The following ZNF609 variants were observed in gnomAD, a reference collection of about 807,000 sequenced individuals.
ZNF609 encodes zinc finger protein 609.
A neutral mutation model predicts 109.5 loss-of-function variants in ZNF609; 11 were observed. The observed-to-expected ratio is 0.10, with a 90% CI of 0.06 to 0.17. ZNF609 has a LOEUF of 0.17. Among genes scored for constraint, ZNF609 ranks in the 10% least tolerant of loss-of-function variants. The probability of loss-of-function intolerance (pLI) is 1.00; values close to 1 mark genes in which losing one functional copy is unlikely to be tolerated. For synonymous variants in ZNF609, 646 were observed against 662.0 expected (o/e 0.98, Z 0.37); for missense variants, 1,559 against 1,772.4 (o/e 0.88, Z 2.16).
At chr15:64,589,448 C>G (rs936536237) in intron 2 of ZNF609, among the ~76,000 whole-genome samples, 1 of 152,132 alleles carries the variant, frequency 6.6e-6, no homozygotes, top group African/African-American at 2.4e-5. Flanking sequence ...TTATATATTT[C>G]CTTTAATTAT....
At chr15:64,505,373 T>C (rs567915621) in intron 2 of ZNF609, among the ~76,000 whole-genome samples, 23 of 152,344 alleles carry the variant, frequency 1.5e-4, no homozygotes, top group African/African-American at 4.8e-4. Flanking sequence ...GACACATCAC[T>C]AATAGGCAGA....
chr15:64,538,356 A>T (rs1228652961), intron 2 of ZNF609, among the ~76,000 whole-genome samples: 2 of 152,182 alleles, frequency 1.3e-5, no homozygotes, highest in East Asian at 3.8e-4. Context: ...AGAAATGTAA[A>T]ATAATTCTTC....
At chr15:64,597,468 G>T (rs1354817088) in intron 2 of ZNF609, among the ~76,000 whole-genome samples, 1 of 152,148 alleles carries the variant, frequency 6.6e-6, no homozygotes, top group Non-Finnish European at 1.5e-5. Context: ...CATCCTTGGG[G>T]TGGGAACCAT....
At chr15:64,656,692 T>C (rs1405659521) in intron 3 of ZNF609, among the ~76,000 whole-genome samples, 1 of 151,980 alleles carries the variant, frequency 6.6e-6, no homozygotes, top group Non-Finnish European at 1.5e-5. Context: ...CTTCCTTCTT[T>C]TCTTCCTCCC....
At chr15:64,677,797 C>A (rs1392350852) in intron 5 of ZNF609, among the ~76,000 whole-genome samples, 1 of 152,176 alleles carries the variant, frequency 6.6e-6, no homozygotes, top group Admixed American at 6.5e-5. Context: ...TTGGAAGGGG[C>A]AGCCTCTCCT....
At chr15:64,459,773 T>C (rs1185216169), upstream of ZNF609, among the ~76,000 whole-genome samples, 1 of 152,156 alleles carries the variant, frequency 6.6e-6, no homozygotes, top group Non-Finnish European at 1.5e-5. Context: ...TGAATAGATG[T>C]TTCACAAGTG....
chr15:64,634,418 C>T (rs919559417), intron 3 of ZNF609, among the ~76,000 whole-genome samples: 23 of 152,218 alleles, frequency 1.5e-4, no homozygotes, highest in South Asian at 1.5e-3. Context: ...GGGCTTTTAT[C>T]CTTTTCACTA....
intron 2 of ZNF609, among the ~76,000 whole-genome samples, chr15:64,571,937 T>C (rs1320688375): frequency 5.9e-5 from 9 of 152,128 alleles, no homozygotes; most frequent in Non-Finnish European, 1.3e-4. Flanking sequence ...GTATTACAGG[T>C]GTGAGCCCGG....
At chr15:64,609,698 G>A (rs1895684939) in intron 2 of ZNF609, among the ~76,000 whole-genome samples, 1 of 149,992 alleles carries the variant, frequency 6.7e-6, no homozygotes, top group Admixed American at 6.6e-5. Flanking sequence ...TTTTTTATGG[G>A]ACTAGGTATA....
intron 1 of ZNF609, among the ~76,000 whole-genome samples, chr15:64,479,304 T>C (rs1180398382): frequency 7.0e-6 from 1 of 142,626 alleles, no homozygotes; most frequent in African/African-American, 2.6e-5. Context: ...TTTTTTTTTT[T>C]TTTTTGAGAC....
rs199558342 is a variant in ZNF609 at position 64,482,376 on chromosome 15, G to GT, written c.-127-16907dup. On this transcript the variant is annotated intron_variant, in intron 1 of 9. Transcript: ENST00000326648. ...AACATTTATTTAATATTTCCTATACGTTTTTTTTTTCTGGCTGCCTAGGCT... is the reference window on the plus strand; with the variant it reads ...AACATTTATTTAATATTTCCTATACGTTTTTTTTTTTCTGGCTGCCTAGGCT... 7.6e-3 allele frequency among the ~76,000 whole-genome samples: 1,122 copies of GT among 148,282 alleles called. 12 individuals carry two copies. The highest frequency in any genetic ancestry group is 0.02 in the African/African-American group (805 of 40,502).
intron 1 of ZNF609, among the ~76,000 whole-genome samples, chr15:64,493,672 C>T (rs183214706): frequency 3.9e-5 from 6 of 152,276 alleles, no homozygotes; most frequent in African/African-American, 1.2e-4. Flanking sequence ...GTGGAGTACA[C>T]TTAGGCAGAA....
chr15:64,670,500 T>C (rs1310868417), intron 4 of ZNF609, 67 bp downstream of exon 4: 3 of 1,335,544 alleles, frequency 2.2e-6, no homozygotes, highest in East Asian at 2.3e-5. Context: ...CCTTATACTT[T>C]TATCCTGCTA....
At chr15:64,582,199 G>A (rs1467338103) in intron 2 of ZNF609, among the ~76,000 whole-genome samples, 3 of 151,974 alleles carry the variant, frequency 2.0e-5, no homozygotes, top group Admixed American at 1.3e-4. Context: ...TTTATGTATC[G>A]TCTATAGCCT....
chr15:64,478,155 GGTGTGTGTGT>G lies in ZNF609; in HGVS notation c.-128+17350_-128+17359del, dbSNP rs149241970. Among the ~76,000 whole-genome samples, 767 of 138,304 alleles carry G rather than the reference GGTGTGTGTGT, an allele frequency of 5.5e-3. 1 individual carries two copies. Among genetic ancestry groups the G allele is most frequent in the African/African-American group, 0.018 (690 of 37,846 alleles). 90.7% of individuals were successfully genotyped at this position (138,304 alleles called of 152,430 possible). A position where few individuals can be genotyped will look rare whatever the true frequency, so the allele number is the denominator to read the frequency against. ...TTTTCATATTTAATTTTAGAATAAA[GGTGTGTGTGT>G]GTGTGTGTGTGTGTGTGTGTGTGTG... On this transcript the variant is annotated intron_variant, in intron 1 of 9. Transcript: ENST00000326648.
intron 3 of ZNF609, among the ~76,000 whole-genome samples, chr15:64,632,265 G>A (rs1896094567): frequency 6.6e-6 from 1 of 151,756 alleles, no homozygotes; most frequent in Non-Finnish European, 1.5e-5. Flanking sequence ...ACATTGCACA[G>A]GCTGATCTTG....
At chr15:64,594,648 A>T (rs554476736) in intron 2 of ZNF609, among the ~76,000 whole-genome samples, 46 of 152,074 alleles carry the variant, frequency 3.0e-4, no homozygotes, top group African/African-American at 1.1e-3. Flanking sequence ...ACAAAATGTA[A>T]AGATTTTGAG....
intron 2 of ZNF609, among the ~76,000 whole-genome samples, chr15:64,551,453 C>T (rs1043910144): frequency 4.0e-5 from 6 of 151,884 alleles, no homozygotes; most frequent in East Asian, 3.9e-4. Flanking sequence ...GTCAGGAGTT[C>T]GAGACCAGCC....
chr15:64,602,716 CTTTTTTTTTTTT>C (rs10600561), intron 2 of ZNF609, among the ~76,000 whole-genome samples: 3 of 55,596 alleles, frequency 5.4e-5, no homozygotes, highest in East Asian at 6.7e-4. Flanking sequence ...TTTTTTCTTT[CTTTTTTTTTTTT>C]TTTTTTTTTT....
Sources: allele counts gnomAD v4.1 joint callset (sites outside exome capture counted in the v4.1 genomes callset), GRCh38; gene constraint gnomAD v4.1.1; transcripts MANE v1.5; gene names NCBI Gene and HGNC (gene_info 2026-07-23, HGNC 2026-07-21).